The following CLVS1 variants were observed in gnomAD, a reference collection of about 807,000 sequenced individuals.
CLVS1 encodes the protein clavesin-1.
CLVS1 carries 10 observed loss-of-function variants against 33.1 expected under a neutral mutation model. That is an observed-to-expected ratio of 0.30 (90% CI 0.19 to 0.51). The LOEUF is 0.51. Among genes scored for constraint, CLVS1 ranks in the 20% least tolerant of loss-of-function variants. The pLI, the probability that CLVS1 is intolerant of heterozygous loss-of-function variation, is 0.97. For missense variants in CLVS1, 343 were observed against 433.4 expected (o/e 0.79, Z 1.85); for synonymous variants, 163 against 166.1 (o/e 0.98, Z 0.14).
chr8:61,152,092 A>G (rs58851300), intron 2 of CLVS1, among the ~76,000 whole-genome samples: 3,251 of 152,216 alleles, frequency 0.021, 113 homozygotes, highest in African/African-American at 0.074. Context: ...TCAGGCTGCT[A>G]CAACAAATTA....
At chr8:61,378,030 C>G (rs1813716315) in intron 3 of CLVS1, 1 of 152,174 alleles carries the variant, frequency 6.6e-6, no homozygotes, top group Admixed American at 6.5e-5. Context: ...TTTTCTCCAA[C>G]CTCCTCTCAC....
intron 5 of CLVS1, among the ~76,000 whole-genome samples, chr8:61,479,280 C>A (rs1282698891): frequency 1.3e-5 from 2 of 152,032 alleles, no homozygotes; most frequent in Admixed American, 1.3e-4. Flanking sequence ...TTGTTCATTT[C>A]TTTTTTTATT....
At chr8:61,006,928 A>G in the CLVS1 span, among the ~76,000 whole-genome samples, 1 of 152,248 alleles carries the variant, frequency 6.6e-6, no homozygotes, top group Non-Finnish European at 1.5e-5. Context: ...ACTTTAGGAA[A>G]CAAAGGTGAA....
chr8:61,479,392 G>A (rs183287985), intron 5 of CLVS1, among the ~76,000 whole-genome samples: 2 of 152,166 alleles, frequency 1.3e-5, no homozygotes, highest in Admixed American at 1.3e-4. Context: ...TGAGGCTTGT[G>A]CATTCATCAC....
At chr8:61,020,067 C>T in the CLVS1 span, among the ~76,000 whole-genome samples, 1 of 152,178 alleles carries the variant, frequency 6.6e-6, no homozygotes, top group Non-Finnish European at 1.5e-5. Context: ...GGCTTAGAGA[C>T]GTTGTTGGCA....
intron 2 of CLVS1, among the ~76,000 whole-genome samples, chr8:61,245,179 G>T (rs1436535319): frequency 6.6e-6 from 1 of 151,718 alleles, no homozygotes; most frequent in Non-Finnish European, 1.5e-5. Flanking sequence ...TTTCAACTTT[G>T]AAGTCTCCTT....
chr8:61,416,229 A>AT (rs578185340), intron 3 of CLVS1, among the ~76,000 whole-genome samples: 97 of 152,062 alleles, frequency 6.4e-4, no homozygotes, highest in Admixed American at 9.8e-4. Flanking sequence ...TTCTATTACC[A>AT]TTTTTTCCCT....
At chr8:61,292,923 T>C (rs1485674734) in intron 1 of CLVS1, among the ~76,000 whole-genome samples, 2 of 152,206 alleles carry the variant, frequency 1.3e-5, no homozygotes, top group Non-Finnish European at 2.9e-5. Context: ...TAGGTCCTTC[T>C]TCCCTGAGTT....
At chr8:61,030,366 T>A in the CLVS1 span, among the ~76,000 whole-genome samples, 1 of 152,014 alleles carries the variant, frequency 6.6e-6, no homozygotes, top group Non-Finnish European at 1.5e-5. Context: ...GAAAAACAAA[T>A]CTAGAATCGA....
chr8:61,143,987 A>T (rs1366560875), intron 2 of CLVS1, among the ~76,000 whole-genome samples: 1 of 151,328 alleles, frequency 6.6e-6, no homozygotes, highest in African/African-American at 2.4e-5. Context: ...CCTAAACTAG[A>T]TGAGTTAAAT....
chr8:61,080,597 G>A lies in CLVS1; in HGVS notation c.-243+23367G>A, dbSNP rs540350402. ...CCATAATGAATGGGCTAAAACCCACGGATTGCCTTCTTAAAATAACTTGCT... is the reference window on the plus strand; with the variant it reads ...CCATAATGAATGGGCTAAAACCCACAGATTGCCTTCTTAAAATAACTTGCT... On this transcript the variant is annotated intron_variant, in intron 1 of 2. Transcript: ENST00000522621. Among the ~76,000 whole-genome samples the A allele has an allele frequency of 1.2e-4, 18 of 152,226 alleles. 1 individual carries two copies. The East Asian group carries it at 1.4e-3, about 11-fold the overall frequency.
intron 2 of CLVS1, among the ~76,000 whole-genome samples, chr8:61,192,108 G>A (rs62525793): frequency 0.21 from 32,258 of 151,982 alleles, 3,572 homozygotes; most frequent in Admixed American, 0.28. Context: ...GAGGCATCAC[G>A]CTACCTGACT....
chr8:61,325,479 AT>A (rs1811350254), intron 2 of CLVS1, among the ~76,000 whole-genome samples: 1 of 152,132 alleles, frequency 6.6e-6, no homozygotes, highest in Non-Finnish European at 1.5e-5. Flanking sequence ...TGTTTTTATC[AT>A]TGTGACTCTC....
At chr8:61,194,081 C>T (rs1807551992) in intron 2 of CLVS1, among the ~76,000 whole-genome samples, 1 of 151,612 alleles carries the variant, frequency 6.6e-6, no homozygotes, top group Non-Finnish European at 1.5e-5. Flanking sequence ...ATTTCAAAGT[C>T]ATAGTGGGGA....
chr8:61,137,025 G>A (rs1013611215), intron 2 of CLVS1, among the ~76,000 whole-genome samples: 29 of 152,222 alleles, frequency 1.9e-4, no homozygotes, highest in African/African-American at 7.0e-4. Flanking sequence ...ACAATGGGGT[G>A]TACGAAAGCG....
intron 2 of CLVS1, among the ~76,000 whole-genome samples, chr8:61,368,866 A>G (rs1284404786): frequency 6.6e-6 from 1 of 152,236 alleles, no homozygotes; most frequent in African/African-American, 2.4e-5. Context: ...CTGGTATTTC[A>G]GAGAATTATA....
At chr8:61,399,389 G>A (rs1200532674) in intron 3 of CLVS1, among the ~76,000 whole-genome samples, 1 of 151,918 alleles carries the variant, frequency 6.6e-6, no homozygotes, top group Admixed American at 6.6e-5. Flanking sequence ...TTTTTAATGG[G>A]GTTGTTTTCT....
intron 2 of CLVS1, among the ~76,000 whole-genome samples, chr8:61,348,986 C>A (rs1048446581): frequency 2.6e-5 from 4 of 152,066 alleles, no homozygotes; most frequent in African/African-American, 7.2e-5. Flanking sequence ...ATGTTGAGCA[C>A]CTTTTCATGT....
chr8:61,057,114 T>C (rs1170693307), upstream of CLVS1: 1 of 152,150 alleles, frequency 6.6e-6, no homozygotes, highest in Non-Finnish European at 1.5e-5. Context: ...GACTGCCTAC[T>C]AAGAATTCTG....
Sources: gnomAD v4.1 joint callset for allele counts (sites outside exome capture counted in the v4.1 genomes callset) on GRCh38, gnomAD v4.1.1 for gene constraint, MANE v1.5 for transcripts, NCBI Gene and HGNC (gene_info 2026-07-23, HGNC 2026-07-21) for gene names.